TM9SF2: variants seen among roughly 807,000 people sequenced by gnomAD.
TM9SF2 encodes 76 kDa membrane protein.
A neutral mutation model predicts 84.9 loss-of-function variants in TM9SF2; 13 were observed. The ratio of observed to expected loss-of-function variants is 0.15; its 90% CI spans 0.10 to 0.24. The LOEUF (loss-of-function observed/expected upper bound fraction) is 0.24. Ranked by LOEUF, TM9SF2 falls within the 10% of genes least tolerant of loss-of-function variation. The pLI is 1.00. For missense variants in TM9SF2, 562 were observed against 818.5 expected, an observed-to-expected ratio of 0.69 and a Z score of 3.82; for synonymous variants, 273 against 285.8, an observed-to-expected ratio of 0.96 and a Z score of 0.45.
intron 1 of TM9SF2, among the ~76,000 whole-genome samples, chr13:99,516,398 A>G (rs1048378397): frequency 2.0e-5 from 3 of 152,224 alleles, no homozygotes; most frequent in African/African-American, 4.8e-5. Flanking sequence ...GGCAGTGTAC[A>G]GCTCTAACTC....
In TM9SF2 at chr13:99,562,018, A is replaced by G. The variant is rs563395993; in HGVS notation, c.1925-673A>G. ...TGAATTATCTCATTTACTCTACATAATAGTCTATGGAGGCAATGAGGACAG... is the reference window on the plus strand; with the variant it reads ...TGAATTATCTCATTTACTCTACATAGTAGTCTATGGAGGCAATGAGGACAG... On this transcript the variant is annotated intron_variant, in intron 16 of 16. Transcript: ENST00000376387. 7.2e-5 allele frequency among the ~76,000 whole-genome samples: 11 copies of G among 152,320 alleles called. No individual in the cohort carries two copies. The East Asian group carries it at 2.1e-3, about 29-fold the overall frequency.
chr13:99,541,876 G>A (rs562047158), intron 9 of TM9SF2: 46 of 366,352 alleles, frequency 1.3e-4, no homozygotes, highest in Non-Finnish European at 1.7e-4. Flanking sequence ...TTGGCTGGGC[G>A]CGGTGGCTCA....
intron 2 of TM9SF2, among the ~76,000 whole-genome samples, chr13:99,518,278 A>G (rs2046143457): frequency 6.6e-6 from 1 of 152,138 alleles, no homozygotes; most frequent in South Asian, 2.1e-4. Flanking sequence ...CGTCTGGCTA[A>G]GTTTTGTATT....
chr13:99,540,608 G>A (rs1273676489), intron 7 of TM9SF2, 106 bp from the exon 8 acceptor site: 15 of 662,168 alleles, frequency 2.3e-5, no homozygotes, highest in Non-Finnish European at 3.7e-5. Flanking sequence ...TTTAGAAATT[G>A]CAGTTGTTGA....
At chr13:99,506,521 A>G (rs1345460691) in intron 1 of TM9SF2, among the ~76,000 whole-genome samples, 1 of 152,242 alleles carries the variant, frequency 6.6e-6, no homozygotes, top group African/African-American at 2.4e-5. Flanking sequence ...AAGGTATGTT[A>G]AACTGAGATA....
rs561979427 is a variant in TM9SF2 at position 99,544,704 on chromosome 13, A to G, written c.1150+709A>G. On this transcript the variant is annotated intron_variant, in intron 10 of 16. Transcript: ENST00000376387. Reference sequence around the variant, plus strand: ...TGGGAAAAGAAGGGATGGGGCAGGAAGCACTGTGTAGATCCTTCTCATCTG... The same window carrying G: ...TGGGAAAAGAAGGGATGGGGCAGGAGGCACTGTGTAGATCCTTCTCATCTG... 2.0e-5 allele frequency among the ~76,000 whole-genome samples: 3 copies of G among 152,286 alleles called. No individual in the cohort carries two copies. In the East Asian group the frequency reaches 5.8e-4, roughly 29 times the overall value.
At chr13:99,535,458 C>T (rs1224904828) in intron 4 of TM9SF2, among the ~76,000 whole-genome samples, 1 of 152,124 alleles carries the variant, frequency 6.6e-6, no homozygotes, top group African/African-American at 2.4e-5. Context: ...ATTCGTTAAG[C>T]TTTCAGAAAA....
At chr13:99,557,176 C>T (rs985998445) in intron 15 of TM9SF2, among the ~76,000 whole-genome samples, 12 of 152,116 alleles carry the variant, frequency 7.9e-5, no homozygotes, top group Non-Finnish European at 1.2e-4. Context: ...TCCAATTCTC[C>T]GTATCTTTGC....
At chr13:99,527,740 T>C (rs1302164490) in intron 3 of TM9SF2, among the ~76,000 whole-genome samples, 1 of 152,226 alleles carries the variant, frequency 6.6e-6, no homozygotes, top group East Asian at 1.9e-4. Flanking sequence ...TAAAAGCTGG[T>C]GGTGAGATAC....
chr13:99,534,751 T>C (rs868315699), intron 4 of TM9SF2, among the ~76,000 whole-genome samples: 15 of 152,372 alleles, frequency 9.8e-5, no homozygotes, highest in South Asian at 2.1e-4. Flanking sequence ...GCGAGTCTTC[T>C]TCCCATTATT....
chr13:99,563,648 C>G lies in TM9SF2; in HGVS notation c.*890C>G, dbSNP rs911915567. 4 of 152,144 alleles carry G rather than the reference C, an allele frequency of 2.6e-5. No homozygotes were observed. Among genetic ancestry groups the G allele is most frequent in the African/African-American group, 7.2e-5 (3 of 41,422 alleles). The allele number at this position is 152,144 out of a possible 1,614,324, so 9.4% of individuals were successfully genotyped here. A position where few individuals can be genotyped will look rare whatever the true frequency, so the allele number is the denominator to read the frequency against. The stretch of plus-strand genomic sequence containing the variant: ...TTATCTGCAAGTACTTAAGGTGGAG[C>G]CTTACTACATTGTCATTAAGGAGTT... On this transcript the variant is annotated 3_prime_UTR_variant, in exon 17 of 17. Coordinates refer to ENST00000376387, the MANE Select transcript of TM9SF2 (RefSeq NM_004800.3).
intron 1 of TM9SF2, among the ~76,000 whole-genome samples, chr13:99,515,962 C>A (rs2046132691): frequency 6.6e-6 from 1 of 152,154 alleles, no homozygotes; most frequent in Non-Finnish European, 1.5e-5. Flanking sequence ...AATCTCCTGA[C>A]CTCAGGTGAT....
intron 16 of TM9SF2, 139 bp downstream of exon 16, chr13:99,559,673 A>G (rs2046336660): frequency 1.3e-6 from 1 of 798,364 alleles, no homozygotes; most frequent in Non-Finnish European, 1.9e-6. Context: ...AACTAGGCAT[A>G]GTTGGGTCTG....
intron 1 of TM9SF2, chr13:99,514,213 C>T (rs190309533): frequency 6.6e-6 from 1 of 152,300 alleles, no homozygotes; most frequent in Admixed American, 6.5e-5. Flanking sequence ...CCTAAGTTTA[C>T]AGTGTGTAAG....
In TM9SF2 at chr13:99,549,086, A is replaced by T. The variant is rs1252255399; in HGVS notation, c.1271-79A>T. On this transcript the variant is annotated intron_variant, in intron 11 of 16. Coordinates refer to ENST00000376387, the MANE Select transcript of TM9SF2 (RefSeq NM_004800.3). ...CTCATTGCTGTCTGACAGTTTGGCA[A>T]ATATCAGACTTGTAATATGGATATT... 5.5e-6 allele frequency: 7 copies of T among 1,269,190 alleles called. No individual in the cohort carries two copies. The East Asian group carries it at 1.6e-4, about 30-fold the overall frequency. 78.6% of individuals were successfully genotyped at this position (1,269,190 alleles called of 1,614,324 possible). A position where few individuals can be genotyped will look rare whatever the true frequency, so the allele number is the denominator to read the frequency against.
chr13:99,510,941 CTGT>C (rs2046111227), intron 1 of TM9SF2, among the ~76,000 whole-genome samples: 1 of 152,102 alleles, frequency 6.6e-6, no homozygotes, highest in African/African-American at 2.4e-5. Context: ...TCTTCAGGAT[CTGT>C]TGTTGTAAAT....
At chr13:99,518,333 A>G (rs1042215327) in intron 2 of TM9SF2, among the ~76,000 whole-genome samples, 5 of 151,564 alleles carry the variant, frequency 3.3e-5, no homozygotes, top group African/African-American at 1.2e-4. Context: ...CTGGTCTCAA[A>G]CTCCTGGGCT....
chr13:99,517,767 A>G (rs979882704), intron 2 of TM9SF2, 86 bp downstream of exon 2: 3 of 843,544 alleles, frequency 3.6e-6, no homozygotes, highest in Non-Finnish European at 5.4e-6. Context: ...TCTCACAGTT[A>G]TGGACAAGCC....
intron 4 of TM9SF2, among the ~76,000 whole-genome samples, chr13:99,535,797 C>T (rs1478157196): frequency 6.6e-6 from 1 of 152,018 alleles, no homozygotes; most frequent in Admixed American, 6.6e-5. Flanking sequence ...ATTTGTATCC[C>T]GCAGTGTACT....
Sources: allele counts gnomAD v4.1 joint callset (sites outside exome capture counted in the v4.1 genomes callset), GRCh38; gene constraint gnomAD v4.1.1; transcripts MANE v1.5; gene names NCBI Gene and HGNC (gene_info 2026-07-23, HGNC 2026-07-21).